HS6ST2: variants seen among roughly 807,000 people sequenced by gnomAD.
The protein encoded by HS6ST2 is heparan-sulfate 6-O-sulfotransferase 2.
In HS6ST2, 17 loss-of-function variants were observed where a neutral mutation model predicts 33.0. That is an observed-to-expected ratio of 0.52 (90% CI 0.35 to 0.77). The LOEUF is 0.77. Ranked by LOEUF, HS6ST2 falls within the 30% of genes least tolerant of loss-of-function variation. The probability of loss-of-function intolerance (pLI) is 0.01; values close to 1 mark genes in which losing one functional copy is unlikely to be tolerated. For synonymous variants in HS6ST2, 248 were observed against 237.1 expected (o/e 1.05, Z -0.42); for missense variants, 519 against 551.7 (o/e 0.94, Z 0.59).
At chrX:132,738,456 T>C (rs899002272) in intron 2 of HS6ST2, among the ~76,000 whole-genome samples, 2 of 112,460 alleles carry the variant, frequency 1.8e-5, no homozygotes, top group African/African-American at 6.5e-5. Context: ...TGGAACAAGA[T>C]TGCTGACAGC....
chrX:132,859,660 G>A (rs779718652), intron 2 of HS6ST2, among the ~76,000 whole-genome samples: 254 of 61,938 alleles, frequency 4.1e-3, no homozygotes, highest in African/African-American at 0.019. Flanking sequence ...AAGGAAGGAA[G>A]GGAGGAAGAG....
rs2067081554 is a variant in HS6ST2, at chrX:132,956,907, G to C, written c.848C>G (p.Thr283Arg). ...GGCGTGCAACCCGCAGCTCCAGCCCGTGGAGAACCTGGAGAAGAGCCAGGT... is the reference window on the plus strand; with the variant it reads ...GGCGTGCAACCCGCAGCTCCAGCCCCTGGAGAACCTGGAGAAGAGCCAGGT... ...RETWLFSRFS[T>R]GWSCGLHADW... is the part of the protein sequence containing the mutation. Residue 283 changes from threonine to arginine, a missense_variant, in exon 2 of 5, where the codon ACG becomes AGG. By Grantham distance (71) the Thr-to-Arg change is moderately conservative (BLOSUM62 -1). Transcript: ENST00000370833. The C allele has an allele frequency of 8.4e-7, 1 of 1,196,610 alleles. No homozygotes were observed. Among genetic ancestry groups the C allele is most frequent in the Non-Finnish European group, 1.1e-6 (1 of 888,235 alleles).
intron 2 of HS6ST2, among the ~76,000 whole-genome samples, chrX:132,888,570 T>A (rs1049674050): frequency 1.8e-5 from 2 of 111,825 alleles, no homozygotes; most frequent in Admixed American, 1.9e-4. Flanking sequence ...AACAGCATGA[T>A]CACAGCTCAC....
At chrX:132,721,683 A>G (rs911183323) in intron 2 of HS6ST2, among the ~76,000 whole-genome samples, 29 of 112,159 alleles carry the variant, frequency 2.6e-4, no homozygotes, top group Non-Finnish European at 2.6e-4. Flanking sequence ...CCTTTTGCTG[A>G]AGTGGTTGAA....
At chrX:132,815,762 C>T (rs1488125941) in intron 2 of HS6ST2, among the ~76,000 whole-genome samples, 1 of 111,492 alleles carries the variant, frequency 9.0e-6, no homozygotes, top group Middle Eastern at 4.2e-3. Flanking sequence ...CTTTCAATAG[C>T]TTGCCATCCT....
At chrX:132,888,419 G>A (rs1241174334) in intron 2 of HS6ST2, among the ~76,000 whole-genome samples, 1 of 111,448 alleles carries the variant, frequency 9.0e-6, no homozygotes, top group South Asian at 3.8e-4. Flanking sequence ...AGAAATACCC[G>A]CCCCCATGAT....
chrX:132,847,679 G>C (rs1183971607), intron 2 of HS6ST2, among the ~76,000 whole-genome samples: 1 of 111,056 alleles, frequency 9.0e-6, no homozygotes, highest in Non-Finnish European at 1.9e-5. Flanking sequence ...TTCTATCAGA[G>C]GGACCAAAAG....
rs774502228 is a variant in HS6ST2, at chrX:132,842,935, C to G, written c.947+113873G>C. 8.9e-5 allele frequency among the ~76,000 whole-genome samples: 10 copies of G among 112,188 alleles called. No individual in the cohort carries two copies. The East Asian group carries it at 1.4e-3, about 16-fold the overall frequency. ...CATTCTATTTCTCCAAGGAGCAGAG[C>G]CACCACACATTTACACAAGGATGTT... On this transcript the variant is annotated intron_variant, in intron 2 of 4. Coordinates refer to ENST00000370833, the MANE Select transcript of HS6ST2 (RefSeq NM_001394073.1).
At chrX:132,768,912 A>G (rs904161722) in intron 2 of HS6ST2, among the ~76,000 whole-genome samples, 1 of 112,745 alleles carries the variant, frequency 8.9e-6, no homozygotes, top group Non-Finnish European at 1.9e-5. Context: ...CATAAGCAAC[A>G]TTCAAATTTG....
At chrX:132,710,200 G>A (rs147364035) in intron 2 of HS6ST2, among the ~76,000 whole-genome samples, 1,473 of 110,802 alleles carry the variant, frequency 0.013, 29 homozygotes, top group African/African-American at 0.047. Flanking sequence ...GACGTTACAG[G>A]TGCATCAATC....
intron 2 of HS6ST2, among the ~76,000 whole-genome samples, chrX:132,889,853 A>C (rs1802614810): frequency 8.9e-6 from 1 of 111,990 alleles, no homozygotes; most frequent in African/African-American, 3.2e-5. Context: ...CAAAAAGAAC[A>C]TATCTGGAGG....
intron 3 of HS6ST2, among the ~76,000 whole-genome samples, chrX:132,677,421 A>G (rs1163901544): frequency 8.9e-6 from 1 of 112,121 alleles, no homozygotes. Context: ...TGCACATTAC[A>G]TATTAACTTC....
intron 2 of HS6ST2, among the ~76,000 whole-genome samples, chrX:132,792,982 A>G (rs1402127974): frequency 5.6e-5 from 6 of 107,151 alleles, no homozygotes; most frequent in Non-Finnish European, 1.1e-4. Flanking sequence ...AATCAGGTCC[A>G]CAACAACTCT....
intron 2 of HS6ST2, among the ~76,000 whole-genome samples, chrX:132,827,806 G>C (rs1409538138): frequency 9.0e-6 from 1 of 110,715 alleles, no homozygotes; most frequent in Non-Finnish European, 1.9e-5. Context: ...TGCTCGTGAT[G>C]TTCCTAACCT....
intron 4 of HS6ST2, among the ~76,000 whole-genome samples, chrX:132,652,889 T>C (rs983377768): frequency 4.5e-5 from 5 of 111,512 alleles, no homozygotes; most frequent in African/African-American, 1.6e-4. Context: ...ATCAGAGATT[T>C]GTGGTGTTAA....
chrX:132,636,833 C>T (rs1246134834), intron 4 of HS6ST2, among the ~76,000 whole-genome samples: 1 of 112,267 alleles, frequency 8.9e-6, no homozygotes, highest in Non-Finnish European at 1.9e-5. Flanking sequence ...TCAAAGAGGA[C>T]ACTTTCTTAC....
At position 132,782,148 on chromosome X, in the gene HS6ST2, A is replaced by C. The variant is rs1041713241; in HGVS notation, c.948-73654T>G. The stretch of plus-strand genomic sequence containing the variant: ...ACTTAAGGGATTCTCAGGACATTTA[A>C]TATGCTATCTGAATCTCCAAAAGGA... On this transcript the variant is annotated intron_variant, in intron 2 of 4. Coordinates refer to ENST00000370833, the MANE Select transcript of HS6ST2 (RefSeq NM_001394073.1). Among the ~76,000 whole-genome samples, 3 of 112,241 alleles carry C rather than the reference A, an allele frequency of 2.7e-5. No individual in the cohort carries two copies. The South Asian group carries it at 1.1e-3, about 42-fold the overall frequency.
intron 2 of HS6ST2, among the ~76,000 whole-genome samples, chrX:132,837,637 T>C (rs1053724471): frequency 9.0e-6 from 1 of 111,564 alleles, no homozygotes; most frequent in Non-Finnish European, 1.9e-5. Context: ...ACTTCTTCCA[T>C]ATCCAGGCAA....
At chrX:132,732,603 T>G (rs1399336821) in intron 2 of HS6ST2, among the ~76,000 whole-genome samples, 1 of 111,262 alleles carries the variant, frequency 9.0e-6, no homozygotes, top group Non-Finnish European at 1.9e-5. Flanking sequence ...TAAGTCTCAC[T>G]AGATTTGATG....
Sources: gnomAD v4.1 joint callset for allele counts (sites outside exome capture counted in the v4.1 genomes callset) on GRCh38, gnomAD v4.1.1 for gene constraint, MANE v1.5 for transcripts, NCBI Gene and HGNC (gene_info 2026-07-23, HGNC 2026-07-21) for gene names.